FGF14: variants seen among roughly 807,000 people sequenced by gnomAD.
The protein encoded by FGF14 is fibroblast growth factor 14.
A neutral mutation model predicts 25.5 loss-of-function variants in FGF14; 5 were observed. The ratio of observed to expected loss-of-function variants is 0.20; its 90% CI spans 0.10 to 0.41. FGF14 has a LOEUF of 0.41. Among genes scored for constraint, FGF14 ranks in the 10% least tolerant of loss-of-function variants. FGF14 has a pLI of 1.00. For missense variants in FGF14, 222 were observed against 320.1 expected (o/e 0.69, Z 2.34); for synonymous variants, 138 against 118.3 (o/e 1.17, Z -1.08).
chr13:102,003,003 C>T (rs2039581625), intron 1 of FGF14: 1 of 152,094 alleles, frequency 6.6e-6, no homozygotes, highest in Non-Finnish European at 1.5e-5. Flanking sequence ...CACAGAATGA[C>T]AGGCTTGGGA....
intron 1 of FGF14, among the ~76,000 whole-genome samples, chr13:102,240,455 C>G (rs577808136): frequency 2.2e-4 from 34 of 152,256 alleles, no homozygotes; most frequent in Middle Eastern, 3.4e-3. Flanking sequence ...CATTTCCCGG[C>G]AAATTCAAGA....
chr13:101,893,169 C>T (rs943624735), intron 1 of FGF14, among the ~76,000 whole-genome samples: 4 of 152,098 alleles, frequency 2.6e-5, no homozygotes, highest in Admixed American at 1.3e-4. Context: ...TTGTTCTCTG[C>T]GTGGGCTGCC....
intron 1 of FGF14, among the ~76,000 whole-genome samples, chr13:102,338,903 C>T (rs1161271761): frequency 6.6e-6 from 1 of 151,180 alleles, no homozygotes; most frequent in Non-Finnish European, 1.5e-5. Flanking sequence ...CCCAGATACT[C>T]GGGAGTCTGA....
Position 102,257,633 on chromosome 13 carries a change from G to A in FGF14, c.208+143838C>T, listed in dbSNP as rs576188897. ...GAGGTGTGAGCCACCACGCCCAGCC[G>A]TTTGCATGTGCATTTCTAACCAATA... On this transcript the variant is annotated intron_variant, in intron 1 of 4. Transcript: ENST00000376131. Among the ~76,000 whole-genome samples, 177 of 151,898 alleles carry A rather than the reference G, an allele frequency of 1.2e-3. 2 individuals are homozygous for A. The highest frequency in any genetic ancestry group is 3.8e-3 in the African/African-American group (158 of 41,418).
At chr13:101,757,443 AATTTGC>A (rs1340206055) in intron 3 of FGF14, among the ~76,000 whole-genome samples, 1 of 152,326 alleles carries the variant, frequency 6.6e-6, no homozygotes, top group African/African-American at 2.4e-5. Context: ...CAAACTGAGA[AATTTGC>A]AATAGCTTGG....
intron 1 of FGF14, among the ~76,000 whole-genome samples, chr13:101,881,007 C>T (rs923125807): frequency 1.3e-5 from 2 of 152,124 alleles, no homozygotes; most frequent in African/African-American, 4.8e-5. Context: ...GTAGCTAAAA[C>T]ATTTCCTCTA....
chr13:101,823,198 T>A (rs1043587259), intron 3 of FGF14, among the ~76,000 whole-genome samples: 1 of 152,096 alleles, frequency 6.6e-6, no homozygotes, highest in African/African-American at 2.4e-5. Context: ...GGATTTATGT[T>A]TGCATTTCTT....
chr13:102,323,312 T>C (rs571673363), intron 1 of FGF14, among the ~76,000 whole-genome samples: 20 of 152,356 alleles, frequency 1.3e-4, no homozygotes, highest in African/African-American at 4.3e-4. Context: ...CAGGATTATA[T>C]GTAGTTATAA....
chr13:101,722,753 G>T lies in FGF14; in HGVS notation c.*78C>A, dbSNP rs187618628. 14 of 1,589,426 alleles carry T rather than the reference G, an allele frequency of 8.8e-6. No homozygotes were observed. The African/African-American group carries it at 1.7e-4, about 20-fold the overall frequency. ...TTACTTCCTGCTGCTCTTCAGCCACGGAGCAGGAATGTCTGGTGAGGATAA... is the reference window on the plus strand; with the variant it reads ...TTACTTCCTGCTGCTCTTCAGCCACTGAGCAGGAATGTCTGGTGAGGATAA... On this transcript the variant is annotated 3_prime_UTR_variant, in exon 5 of 5. Transcript: ENST00000376143.
chr13:102,189,532 A>G (rs2140814098), intron 1 of FGF14, among the ~76,000 whole-genome samples: 1 of 152,324 alleles, frequency 6.6e-6, no homozygotes, highest in East Asian at 1.9e-4. Flanking sequence ...ATTTAGGAGC[A>G]CCTTTAAGTT....
At chr13:101,849,875 C>T (rs553634719) in intron 3 of FGF14, among the ~76,000 whole-genome samples, 34 of 152,176 alleles carry the variant, frequency 2.2e-4, no homozygotes, top group Non-Finnish European at 4.1e-4. Flanking sequence ...ACTCATTCAG[C>T]TCCTCTGGGA....
intron 3 of FGF14, among the ~76,000 whole-genome samples, chr13:101,773,641 A>G (rs80325354): frequency 0.014 from 2,143 of 152,000 alleles, 49 homozygotes; most frequent in African/African-American, 0.048. Context: ...ACATTTAGTT[A>G]TGGAATGAAG....
At chr13:101,856,946 T>C (rs1349790074) in intron 3 of FGF14, among the ~76,000 whole-genome samples, 1 of 151,900 alleles carries the variant, frequency 6.6e-6, no homozygotes, top group African/African-American at 2.4e-5. Flanking sequence ...ATAGAAACAG[T>C]ATTATAAAAG....
At chr13:102,061,445 G>A (rs773254909) in intron 1 of FGF14, among the ~76,000 whole-genome samples, 13 of 152,186 alleles carry the variant, frequency 8.5e-5, no homozygotes, top group East Asian at 1.9e-4. Context: ...CCCATGGCAC[G>A]CCCTGAGAGG....
chr13:101,754,066 G>A (rs1406115119), intron 3 of FGF14, among the ~76,000 whole-genome samples: 1 of 152,088 alleles, frequency 6.6e-6, no homozygotes, highest in Non-Finnish European at 1.5e-5. Context: ...TTGCCTTTTC[G>A]TGCTAGCTAG....
chr13:101,810,905 T>C (rs181669852), intron 3 of FGF14, among the ~76,000 whole-genome samples: 1 of 152,276 alleles, frequency 6.6e-6, no homozygotes, highest in East Asian at 1.9e-4. Context: ...TGACACTTAA[T>C]CTTTACTGGT....
At position 102,397,855 on chromosome 13, in the gene FGF14, C is replaced by T. The variant is rs1595059247; in HGVS notation, c.208+3616G>A. On this transcript the variant is annotated intron_variant, in intron 1 of 4. Transcript: ENST00000376131. ...TGGTTTAAAGAAACCTATGAAGCCT[C>T]CTTCAAGCAAAATAAATGCCTTGGA... 2.0e-5 allele frequency among the ~76,000 whole-genome samples: 3 copies of T among 152,156 alleles called. No individual in the cohort carries two copies. The South Asian group carries it at 6.2e-4, about 31-fold the overall frequency.
upstream of FGF14, among the ~76,000 whole-genome samples, chr13:101,917,365 T>C (rs1293872709): frequency 1.3e-5 from 2 of 151,494 alleles, no homozygotes; most frequent in African/African-American, 2.4e-5. Flanking sequence ...GTATAGGTAA[T>C]AATGATTTAA....
chr13:101,752,471 T>C (rs2037352459), intron 3 of FGF14, among the ~76,000 whole-genome samples: 1 of 152,338 alleles, frequency 6.6e-6, no homozygotes, highest in Middle Eastern at 3.4e-3. Flanking sequence ...TTGTGAATGA[T>C]GATATTAAAC....
Sources: allele counts gnomAD v4.1 joint callset (sites outside exome capture counted in the v4.1 genomes callset), GRCh38; gene constraint gnomAD v4.1.1; transcripts MANE v1.5; gene names NCBI Gene and HGNC (gene_info 2026-07-23, HGNC 2026-07-21).